Variants in PDZD2 observed in about 807,000 individuals in gnomAD.
The protein encoded by PDZD2 is PDZ domain containing 2.
Under a neutral mutation model 220.7 loss-of-function variants are expected in PDZD2, and 90 were observed. The ratio of observed to expected loss-of-function variants is 0.41; its 90% CI spans 0.34 to 0.49. PDZD2 has a LOEUF of 0.49. Among genes scored for constraint, PDZD2 ranks in the 20% least tolerant of loss-of-function variants. The pLI, the probability that PDZD2 is intolerant of heterozygous loss-of-function variation, is 0.28. For synonymous variants in PDZD2, 1,375 were observed against 1,450.5 expected (o/e 0.95, Z 1.18); for missense variants, 3,174 against 3,608.5 (o/e 0.88, Z 3.08).
chr5:31,674,116 T>C (rs1044967391), intron 1 of PDZD2, among the ~76,000 whole-genome samples: 17 of 152,112 alleles, frequency 1.1e-4, no homozygotes, highest in Admixed American at 5.9e-4. Flanking sequence ...CCATGAGAAA[T>C]ACATTTCGGT....
chr5:32,072,265 G>C lies in PDZD2; in HGVS notation c.2673G>C (p.Pro891=), dbSNP rs144560810. 94 of 1,613,998 alleles carry C rather than the reference G, an allele frequency of 5.8e-5. 1 individual carries two copies. Among genetic ancestry groups the C allele is most frequent in the Admixed American group, 1.2e-4 (7 of 59,996 alleles). ...CCGGTTCTGAGGACGAGGATCACCC[G>C]GGAAGTGGCTGCAGCACGTCGGAGG... is the stretch of plus-strand genomic sequence containing the variant. ...MVAGSEDEDH[P]GSGCSTSEEG... is the part of the protein sequence containing the mutation. Residue 891 remains proline, a synonymous_variant, in exon 17 of 25, where the codon CCG becomes CCC. Coordinates refer to ENST00000438447, the MANE Select transcript of PDZD2 (RefSeq NM_178140.4).
At chr5:31,928,690 G>A (rs1745004012) in intron 2 of PDZD2, among the ~76,000 whole-genome samples, 1 of 152,100 alleles carries the variant, frequency 6.6e-6, no homozygotes, top group Non-Finnish European at 1.5e-5. Context: ...TGGCCAAGCT[G>A]GTCTTGAACT....
At chr5:31,899,105 G>T (rs973505128) in intron 2 of PDZD2, among the ~76,000 whole-genome samples, 5 of 151,446 alleles carry the variant, frequency 3.3e-5, no homozygotes, top group African/African-American at 1.2e-4. Flanking sequence ...GGGATTACAG[G>T]TGTGAACCAC....
rs937022273 is a variant in PDZD2, at chr5:32,077,521, C to A, written c.3597C>A (p.Ala1199=). ...GTGTCTCTACCAGCTGTGAACTAGC[C>A]AGTGCTCTGTCCCATCTGGATGCCA... ...DACVSTSCEL[A]SALSHLDASH... is the part of the protein sequence containing the mutation. The change falls in exon 19 of 25, where the codon GCC becomes GCA. Residue 1199 remains alanine, a synonymous_variant. Transcript: ENST00000438447. The A allele has an allele frequency of 6.2e-7, 1 of 1,613,874 alleles. No individual in the cohort carries two copies. The highest frequency in any genetic ancestry group is 1.1e-5 in the South Asian group (1 of 91,078).
At chr5:31,758,041 C>T (rs1440272321) in intron 1 of PDZD2, among the ~76,000 whole-genome samples, 3 of 152,234 alleles carry the variant, frequency 2.0e-5, no homozygotes, top group African/African-American at 7.2e-5. Flanking sequence ...ACAGCAGTCC[C>T]TGCCCAGGCC....
chr5:32,070,699 T>C (rs1337027747), intron 15 of PDZD2, among the ~76,000 whole-genome samples: 2 of 152,256 alleles, frequency 1.3e-5, no homozygotes, highest in African/African-American at 4.8e-5. Flanking sequence ...TGAAGTACAA[T>C]GTCCAGCTCC....
At chr5:32,027,674 C>G (rs1447509439) in intron 6 of PDZD2, among the ~76,000 whole-genome samples, 2 of 152,182 alleles carry the variant, frequency 1.3e-5, no homozygotes, top group Non-Finnish European at 1.5e-5. Flanking sequence ...CTGAGTTACT[C>G]TCTTGATTGG....
intron 1 of PDZD2, among the ~76,000 whole-genome samples, chr5:31,689,030 A>G (rs1055292830): frequency 6.6e-6 from 1 of 152,106 alleles, no homozygotes; most frequent in Admixed American, 6.6e-5. Flanking sequence ...TTTCCAGATG[A>G]AGCCACATGT....
At chr5:31,880,911 C>T (rs938164061) in intron 2 of PDZD2, among the ~76,000 whole-genome samples, 1 of 145,978 alleles carries the variant, frequency 6.9e-6, no homozygotes, top group East Asian at 2.1e-4. Flanking sequence ...AAGCGATTCT[C>T]CTGCCTCAGC....
chr5:32,091,661 A>C (rs1360726364), intron 20 of PDZD2, among the ~76,000 whole-genome samples: 5 of 152,188 alleles, frequency 3.3e-5, no homozygotes, highest in African/African-American at 1.2e-4. Context: ...TTAATGTTGG[A>C]GCAATACCAT....
At chr5:31,645,348 T>A (rs982994230) in intron 1 of PDZD2, among the ~76,000 whole-genome samples, 6 of 150,552 alleles carry the variant, frequency 4.0e-5, no homozygotes, top group Admixed American at 6.6e-5. Flanking sequence ...TTTTTTTTTT[T>A]TTTTTTGAGA....
chr5:31,712,884 A>G (rs373057632), intron 1 of PDZD2, among the ~76,000 whole-genome samples: 2 of 152,224 alleles, frequency 1.3e-5, no homozygotes. Context: ...CAAGGGTGTC[A>G]GCCTAACTGT....
chr5:31,872,506 A>G (rs916826657), intron 2 of PDZD2, among the ~76,000 whole-genome samples: 5 of 150,908 alleles, frequency 3.3e-5, no homozygotes, highest in African/African-American at 4.8e-5. Flanking sequence ...TTATCTTTTC[A>G]TGAGATACAC....
chr5:31,849,743 C>T (rs1195518708), intron 2 of PDZD2, among the ~76,000 whole-genome samples: 3 of 150,926 alleles, frequency 2.0e-5, no homozygotes, highest in Non-Finnish European at 2.9e-5. Flanking sequence ...ACTATGGAGG[C>T]TGAGGCAGGA....
At position 32,020,048 on chromosome 5, in the gene PDZD2, C is replaced by CAT. The variant is rs1211869348; in HGVS notation, c.1407+9577_1407+9578dup. On this transcript the variant is annotated intron_variant, in intron 6 of 24. Coordinates refer to ENST00000438447, the MANE Select transcript of PDZD2 (RefSeq NM_178140.4). ...AAAGTAGAATATATATATATACACA[C>CAT]ATATATATATATTTTTTTAATTTAA... Among the ~76,000 whole-genome samples, 247 of 148,566 alleles carry CAT rather than the reference C, an allele frequency of 1.7e-3. 2 individuals are homozygous for CAT. Among genetic ancestry groups the CAT allele is most frequent in the African/African-American group, 5.5e-3 (224 of 40,988 alleles).
chr5:31,950,601 A>G (rs1448911620), intron 2 of PDZD2, among the ~76,000 whole-genome samples: 1 of 152,206 alleles, frequency 6.6e-6, no homozygotes, highest in Non-Finnish European at 1.5e-5. Context: ...ATGGAGTTAC[A>G]TTCACAGTAC....
Position 32,091,279 on chromosome 5 carries a change from CTTTTTTTTT to C in PDZD2, c.7727+119_7727+127del, listed in dbSNP as rs57254389. The stretch of plus-strand genomic sequence containing the variant: ...AAAGATAATGCAGAGTTCCCACTTA[CTTTTTTTTT>C]TTTTTTTTTTTTTTGAGATGGAGCA... On this transcript the variant is annotated intron_variant, in intron 20 of 24. Transcript: ENST00000438447. The C allele has an allele frequency of 1.5e-5, 4 of 262,548 alleles. No homozygotes were observed. In the East Asian group the frequency reaches 2.1e-4, roughly 14 times the overall value. 16.3% of individuals were successfully genotyped at this position (262,548 alleles called of 1,614,324 possible).
At chr5:31,996,062 C>T (rs1406143966) in intron 4 of PDZD2, among the ~76,000 whole-genome samples, 1 of 152,088 alleles carries the variant, frequency 6.6e-6, no homozygotes, top group African/African-American at 2.4e-5. Flanking sequence ...AGTAGAACAC[C>T]GCATTCCTAA....
chr5:32,082,780 AAC>A (rs1742097021), intron 19 of PDZD2, among the ~76,000 whole-genome samples: 1 of 152,208 alleles, frequency 6.6e-6, no homozygotes, highest in South Asian at 2.1e-4. Flanking sequence ...AAACTTTAGA[AAC>A]ACAGGAGCAA....
Sources: allele counts gnomAD v4.1 joint callset (sites outside exome capture counted in the v4.1 genomes callset), GRCh38; gene constraint gnomAD v4.1.1; transcripts MANE v1.5; gene names NCBI Gene and HGNC (gene_info 2026-07-23, HGNC 2026-07-21).